The following ATP2C2 variants were observed in gnomAD, a reference collection of about 807,000 sequenced individuals.
ATP2C2 encodes the protein ATPase secretory pathway Ca2+ transporting 2.
Under a neutral mutation model 110.8 loss-of-function variants are expected in ATP2C2, and 171 were observed. That is an observed-to-expected ratio of 1.54 (90% CI 1.36 to 1.75). The LOEUF is 1.75. Among genes scored for constraint, ATP2C2 ranks in the 40% most tolerant of loss-of-function variants. The pLI is 0.00. For synonymous variants in ATP2C2, 804 were observed against 508.4 expected (o/e 1.58, Z -7.82); for missense variants, 1,963 against 1,235.0 (o/e 1.59, Z -8.84).
chr16:84,379,935 C>T (rs924912642), intron 1 of ATP2C2, among the ~76,000 whole-genome samples: 3 of 152,080 alleles, frequency 2.0e-5, no homozygotes, highest in African/African-American at 4.8e-5. Context: ...GGGAATGCTA[C>T]TGTTAAAGTC....
At chr16:84,388,879 C>T (rs992732420) in intron 1 of ATP2C2, among the ~76,000 whole-genome samples, 5 of 152,218 alleles carry the variant, frequency 3.3e-5, no homozygotes, top group African/African-American at 1.2e-4. Flanking sequence ...TCAAGCGATT[C>T]TCCTGCCTCA....
At chr16:84,387,180 T>C (rs2151404896) in intron 1 of ATP2C2, among the ~76,000 whole-genome samples, 1 of 152,200 alleles carries the variant, frequency 6.6e-6, no homozygotes, top group South Asian at 2.1e-4. Flanking sequence ...GGCACTCGTA[T>C]CTCCTGGAGG....
intron 1 of ATP2C2, among the ~76,000 whole-genome samples, chr16:84,373,384 C>T (rs1230209531): frequency 2.0e-5 from 3 of 152,152 alleles, no homozygotes; most frequent in East Asian, 3.9e-4. Flanking sequence ...CCTGTAACCC[C>T]GGCTACTCAG....
chr16:84,385,040 C>T (rs1020544375), intron 1 of ATP2C2, among the ~76,000 whole-genome samples: 1 of 152,162 alleles, frequency 6.6e-6, no homozygotes, highest in African/African-American at 2.4e-5. Context: ...CAGAGTGAGA[C>T]TCTGTCTCAA....
chr16:84,459,567 G>T (rs771897322), intron 23 of ATP2C2, 181 bp downstream of exon 23: 1 of 1,536,770 alleles, frequency 6.5e-7, no homozygotes, highest in South Asian at 1.2e-5. Context: ...AGGCAGAGGA[G>T]AAAGTACCTG....
intron 11 of ATP2C2, among the ~76,000 whole-genome samples, chr16:84,429,421 G>T (rs958148786): frequency 1.3e-5 from 2 of 152,190 alleles, no homozygotes; most frequent in Non-Finnish European, 2.9e-5. Context: ...CCAAAGTGCT[G>T]GGATTACAGG....
chr16:84,426,033 A>G (rs1298298916), intron 11 of ATP2C2: 2 of 521,016 alleles, frequency 3.8e-6, no homozygotes, highest in Non-Finnish European at 6.8e-6. Flanking sequence ...CTTTTGTATT[A>G]GGCTGTTCTT....
chr16:84,439,549 C>G (rs1909057177), intron 13 of ATP2C2, 25 bp downstream of exon 13: 2 of 1,604,020 alleles, frequency 1.2e-6, no homozygotes, highest in African/African-American at 2.7e-5. Context: ...AATTTACAAG[C>G]CTTAAGGATG....
intron 1 of ATP2C2, among the ~76,000 whole-genome samples, chr16:84,385,582 T>A (rs1904308085): frequency 6.6e-6 from 1 of 152,222 alleles, no homozygotes; most frequent in Non-Finnish European, 1.5e-5. Context: ...TCCACTCTCA[T>A]GCTGCTATGA....
chr16:84,440,795 G>A, intron 13 of ATP2C2, 62 bp from the exon 14 acceptor site: 1 of 1,311,472 alleles, frequency 7.6e-7, no homozygotes, highest in Non-Finnish European at 1.1e-6. Context: ...GAGATTGTGG[G>A]CCAACTGGGG....
chr16:84,372,057 G>A (rs983059111), intron 1 of ATP2C2, among the ~76,000 whole-genome samples: 13 of 152,176 alleles, frequency 8.5e-5, no homozygotes, highest in Middle Eastern at 3.2e-3. Context: ...GATTGACAGC[G>A]AGTTCTAGAC....
In ATP2C2 at chr16:84,453,339, A is replaced by T; in HGVS notation, c.1948A>T (p.Thr650Ser). 1 of 1,614,102 alleles carries T rather than the reference A, an allele frequency of 6.2e-7. No individual in the cohort carries two copies. The highest frequency in any genetic ancestry group is 1.1e-5 in the South Asian group (1 of 91,074). The stretch of plus-strand genomic sequence containing the variant: ...TGTCCAGGTGTCCGTGTTCTTCAGG[A>T]CCAGCCCAAAGCACAAGCTCAAAAT... ...RVGKVSVFFR[T>S]SPKHKLKIIK... is the part of the protein sequence containing the mutation. Residue 650 changes from threonine (T) to serine (S), a missense_variant, in exon 20 of 27, where the codon ACC (threonine) becomes TCC (serine). Transcript: ENST00000262429.
intron 7 of ATP2C2, among the ~76,000 whole-genome samples, chr16:84,418,743 C>T (rs1319111048): frequency 6.6e-6 from 1 of 152,210 alleles, no homozygotes; most frequent in Admixed American, 6.5e-5. Context: ...CTGTGAGCAG[C>T]TGTTCAGACT....
chr16:84,408,754 C>G (rs1906009989), intron 4 of ATP2C2, among the ~76,000 whole-genome samples: 1 of 152,076 alleles, frequency 6.6e-6, no homozygotes, highest in South Asian at 2.1e-4. Flanking sequence ...GAATTCCTTT[C>G]CCGTGACCCT....
intron 7 of ATP2C2, among the ~76,000 whole-genome samples, chr16:84,420,006 A>T (rs1907185205): frequency 6.6e-6 from 1 of 152,160 alleles, no homozygotes; most frequent in Admixed American, 6.5e-5. Context: ...TACTTGTCTC[A>T]TGCTGACCAA....
At chr16:84,450,803 T>G (rs1259548325) in intron 17 of ATP2C2, among the ~76,000 whole-genome samples, 2 of 152,070 alleles carry the variant, frequency 1.3e-5, no homozygotes, top group East Asian at 3.9e-4. Context: ...CTCAGCTGGG[T>G]TGCTCCCCTG....
chr16:84,412,333 T>G (rs1226857865), intron 6 of ATP2C2, among the ~76,000 whole-genome samples: 3 of 141,818 alleles, frequency 2.1e-5, no homozygotes, highest in Non-Finnish European at 4.6e-5. Flanking sequence ...TGCGTGTGTG[T>G]CTGTATGCGT....
intron 11 of ATP2C2, among the ~76,000 whole-genome samples, chr16:84,429,492 C>A (rs556380811): frequency 6.6e-6 from 1 of 152,280 alleles, no homozygotes; most frequent in East Asian, 1.9e-4. Context: ...TTCGGTGTTA[C>A]TGTGTATAGC....
chr16:84,439,575 TC>T, intron 13 of ATP2C2, 51 bp downstream of exon 13: 1 of 1,544,114 alleles, frequency 6.5e-7, no homozygotes, highest in Non-Finnish European at 9.0e-7. Flanking sequence ...AGCCAGGCTG[TC>T]TCCTTTCTAA....
Sources: allele counts gnomAD v4.1 joint callset (sites outside exome capture counted in the v4.1 genomes callset), GRCh38; gene constraint gnomAD v4.1.1; transcripts MANE v1.5; gene names NCBI Gene and HGNC (gene_info 2026-07-23, HGNC 2026-07-21).